The following SPTBN4 variants were observed in gnomAD, a reference collection of about 807,000 sequenced individuals.
The protein encoded by SPTBN4 is spectrin beta, non-erythrocytic 4, also known as spectrin beta chain, non-erythrocytic 4.
Under a neutral mutation model 277.8 loss-of-function variants are expected in SPTBN4, and 96 were observed. That is an observed-to-expected ratio of 0.35 (90% CI 0.29 to 0.41). The LOEUF (loss-of-function observed/expected upper bound fraction) is 0.41. Among genes scored for constraint, SPTBN4 ranks in the 10% least tolerant of loss-of-function variants. The pLI, the probability that SPTBN4 is intolerant of heterozygous loss-of-function variation, is 1.00. For synonymous variants in SPTBN4, 1,481 were observed against 1,580.3 expected, an observed-to-expected ratio of 0.94 and a Z score of 1.49; for missense variants, 3,006 against 3,595.7, an observed-to-expected ratio of 0.84 and a Z score of 4.19.
chr19:40,485,904 A>G (rs2080066401), intron 2 of SPTBN4, among the ~76,000 whole-genome samples: 1 of 152,124 alleles, frequency 6.6e-6, no homozygotes, highest in Non-Finnish European at 1.5e-5. Context: ...AAAGATGCTC[A>G]ACATCATTAG....
chr19:40,509,999 C>T (rs956126247), intron 13 of SPTBN4, among the ~76,000 whole-genome samples: 15 of 152,242 alleles, frequency 9.9e-5, no homozygotes, highest in African/African-American at 2.9e-4. Context: ...TGTGAATTCT[C>T]GGCTCCTGTG....
intron 17 of SPTBN4, among the ~76,000 whole-genome samples, chr19:40,525,178 C>T (rs1386542692): frequency 6.6e-6 from 1 of 152,192 alleles, no homozygotes; most frequent in Non-Finnish European, 1.5e-5. Flanking sequence ...GTTTACGGCT[C>T]AGACATCCTT....
At chr19:40,570,205 G>C (rs1419010919) in intron 32 of SPTBN4, among the ~76,000 whole-genome samples, 2 of 140,128 alleles carry the variant, frequency 1.4e-5, no homozygotes, top group Non-Finnish European at 1.6e-5. Flanking sequence ...AGATCTGGCT[G>C]CCTCTTTCCA....
intron 3 of SPTBN4, among the ~76,000 whole-genome samples, chr19:40,488,199 G>A (rs2145824669): frequency 6.6e-6 from 1 of 152,146 alleles, no homozygotes; most frequent in Admixed American, 6.5e-5. Context: ...CGGGTTATGA[G>A]CTAGTAGGGG....
At chr19:40,484,791 G>C (rs1365944105) in intron 2 of SPTBN4, among the ~76,000 whole-genome samples, 1 of 151,902 alleles carries the variant, frequency 6.6e-6, no homozygotes, top group African/African-American at 2.4e-5. Context: ...AATTAGCCGG[G>C]CGTGGTGGCA....
At chr19:40,524,580 T>C (rs2080568168) in intron 17 of SPTBN4, 1 of 456,592 alleles carries the variant, frequency 2.2e-6, no homozygotes, top group Non-Finnish European at 4.4e-6. Context: ...TGCACCCTCC[T>C]TGGGAACCCC....
chr19:40,479,622 C>A (rs2079986700), intron 2 of SPTBN4, among the ~76,000 whole-genome samples: 1 of 147,590 alleles, frequency 6.8e-6, no homozygotes, highest in East Asian at 2.0e-4. Flanking sequence ...TAATGTGAAT[C>A]TTTTTCTTTG....
chr19:40,540,533 C>T (rs1168718716), intron 20 of SPTBN4, among the ~76,000 whole-genome samples: 3 of 151,986 alleles, frequency 2.0e-5, no homozygotes, highest in East Asian at 3.9e-4. Flanking sequence ...TGAGCCACTG[C>T]ACCTGGCCCC....
rs1265485190 is a variant in SPTBN4 at position 40,576,250 on chromosome 19, C to G, written c.*681C>G. The G allele has an allele frequency of 6.6e-6, 1 of 152,660 alleles. No homozygotes were observed. The highest frequency in any genetic ancestry group is 2.4e-5 in the African/African-American group (1 of 41,464). The allele number at this position is 152,660 out of a possible 1,614,324, so 9.5% of individuals were successfully genotyped here. A position where few individuals can be genotyped will look rare whatever the true frequency, so the allele number is the denominator to read the frequency against. On this transcript the variant is annotated 3_prime_UTR_variant, in exon 36 of 36. Transcript: ENST00000598249. ...CAAAACTGTTTTCCTCTCTCCTCCC[C>G]CCTCCAGTTGTAAATGCCACTTCAT...
intron 15 of SPTBN4, among the ~76,000 whole-genome samples, chr19:40,518,104 G>A (rs2080481260): frequency 6.6e-6 from 1 of 152,172 alleles, no homozygotes; most frequent in African/African-American, 2.4e-5. Flanking sequence ...TCAGGAGTTT[G>A]AGACCAGCCT....
intron 20 of SPTBN4, among the ~76,000 whole-genome samples, chr19:40,538,839 G>A (rs561289463): frequency 2.6e-5 from 4 of 152,092 alleles, no homozygotes; most frequent in Admixed American, 1.3e-4. Flanking sequence ...ATCCTCCTAC[G>A]TTAGTCTCCC....
At chr19:40,513,838 A>G (rs1165765740) in intron 14 of SPTBN4, among the ~76,000 whole-genome samples, 1 of 152,112 alleles carries the variant, frequency 6.6e-6, no homozygotes, top group East Asian at 1.9e-4. Flanking sequence ...GGGTAGAGGA[A>G]GCATTCCCCC....
At position 40,570,567 on chromosome 19, in the gene SPTBN4, C is replaced by A; in HGVS notation, c.7158C>A (p.Pro2386=). The A allele has an allele frequency of 7.3e-7, 1 of 1,378,436 alleles. No individual in the cohort carries two copies. Among genetic ancestry groups the A allele is most frequent in the South Asian group, 1.7e-5 (1 of 59,466 alleles). The allele number at this position is 1,378,436 out of a possible 1,614,324, so 85.4% of individuals were successfully genotyped here. A position where few individuals can be genotyped will look rare whatever the true frequency, so the allele number is the denominator to read the frequency against. Residue 2386 remains proline (P), a synonymous_variant, in exon 33 of 36, where the codon CCC becomes CCA. Transcript: ENST00000598249. Reference sequence around the variant, plus strand: ...CCAAGCCGCGACGGCGGCCGCGGCCCAGAGAGGGTGGTGAGGGCGGGGGAA... The same window carrying A: ...CCAAGCCGCGACGGCGGCCGCGGCCAAGAGAGGGTGGTGAGGGCGGGGGAA... ...DRPKPRRRPR[P]REGGEGGGSR... is the part of the protein sequence containing the mutation.
chr19:40,506,418 G>T (rs774731046), intron 13 of SPTBN4, 32 bp downstream of exon 13: 1 of 1,594,030 alleles, frequency 6.3e-7, no homozygotes, highest in Admixed American at 1.7e-5. Context: ...GGGGCTATGG[G>T]TGGAGACTGT....
At chr19:40,540,277 A>G (rs2080784970) in intron 20 of SPTBN4, among the ~76,000 whole-genome samples, 1 of 152,112 alleles carries the variant, frequency 6.6e-6, no homozygotes. Flanking sequence ...CCATCACTCT[A>G]CTGTTTTCAA....
chr19:40,477,580 G>A (rs2079963367), intron 2 of SPTBN4, among the ~76,000 whole-genome samples: 2 of 152,198 alleles, frequency 1.3e-5, no homozygotes, highest in South Asian at 4.1e-4. Context: ...GCATCAGGCT[G>A]TGATGGGGAA....
At chr19:40,558,944 T>TGATG (rs1403469159) in intron 26 of SPTBN4, among the ~76,000 whole-genome samples, 12 of 139,188 alleles carry the variant, frequency 8.6e-5, no homozygotes, top group African/African-American at 3.2e-4. Flanking sequence ...TTATTATTAT[T>TGATG]ATTATGAGGC....
intron 27 of SPTBN4, among the ~76,000 whole-genome samples, chr19:40,562,581 T>A (rs2081054050): frequency 1.5e-5 from 2 of 132,518 alleles, no homozygotes; most frequent in Non-Finnish European, 3.2e-5. Flanking sequence ...ACACCTGTAA[T>A]CCCAGCATTT....
chr19:40,549,337 C>A lies in SPTBN4; in HGVS notation c.4508C>A (p.Pro1503Gln). Residue 1503 changes from proline to glutamine, a missense_variant, in exon 21 of 36, where the codon CCG becomes CAG. Coordinates refer to ENST00000598249, the MANE Select transcript of SPTBN4 (RefSeq NM_020971.3). ...VGERLVRLLE[P>Q]LQERRRLLLA... ...GAGCGCCTGGTGCGCCTGCTCGAGC[C>A]GTTGCAGGAGCGCCGCCGCTTGCTG... 2 of 1,536,808 alleles carry A rather than the reference C, an allele frequency of 1.3e-6. No homozygotes were observed. The highest frequency in any genetic ancestry group is 1.7e-6 in the Non-Finnish European group (2 of 1,145,210).
Sources: allele counts gnomAD v4.1 joint callset (sites outside exome capture counted in the v4.1 genomes callset), GRCh38; gene constraint gnomAD v4.1.1; transcripts MANE v1.5; gene names NCBI Gene and HGNC (gene_info 2026-07-23, HGNC 2026-07-21).